Variants in TINCR observed in about 807,000 individuals in gnomAD.
The protein encoded by TINCR is TINCR ubiquitin domain containing, also known as TINCR-encoded ubiquitin-like protein.
At chr19:5,559,047 A>G (rs905558599), downstream of TINCR, 3 of 152,368 alleles carry the variant, frequency 2.0e-5, no homozygotes, top group Admixed American at 2.0e-4. Flanking sequence ...GTCCAACATT[A>G]TTATTTCAGA....
downstream of TINCR, chr19:5,558,561 G>C (rs1023263199): frequency 2.0e-5 from 3 of 152,470 alleles, no homozygotes; most frequent in African/African-American, 7.2e-5. Flanking sequence ...GTCAGTGTGA[G>C]CTTTCTCCAG....
intron 1 of TINCR, among the ~76,000 whole-genome samples, chr19:5,567,260 C>A (rs1027399972): frequency 6.7e-6 from 1 of 149,862 alleles, no homozygotes; most frequent in African/African-American, 2.5e-5. Context: ...GAGACACAGA[C>A]AAAAGAGAGA....
At chr19:5,559,540 T>C (rs1363665073), downstream of TINCR, 1 of 152,202 alleles carries the variant, frequency 6.6e-6, no homozygotes, top group Non-Finnish European at 1.5e-5. Context: ...TTTCACCGTG[T>C]TAGCCAGGAT....
chr19:5,558,618 A>G (rs1032861681), downstream of TINCR: 1 of 152,268 alleles, frequency 6.6e-6, no homozygotes, highest in African/African-American at 2.4e-5. Context: ...ATTCCACAAT[A>G]GTTCCCCTTG....
rs998548700 is a variant in TINCR at position 5,565,027 on chromosome 19, C to T, written c.261-2078G>A. On this transcript the variant is annotated intron_variant, in intron 1 of 1. Coordinates refer to ENST00000646160, the Ensembl canonical transcript of TINCR. The surrounding 1 kb of genome is among the most constrained non-coding windows in gnomAD (Gnocchi z 4.0). ...TGCCTGTGAGCATTGAGTCAGGTCCCGTCCCTCCTCTGCCCACAGCCCTCT... is the reference window on the plus strand; with the variant it reads ...TGCCTGTGAGCATTGAGTCAGGTCCTGTCCCTCCTCTGCCCACAGCCCTCT... Among the ~76,000 whole-genome samples the T allele has an allele frequency of 1.3e-5, 2 of 152,072 alleles. No individual in the cohort carries two copies. The highest frequency in any genetic ancestry group is 2.4e-5 in the African/African-American group (1 of 41,408).
Position 5,565,961 on chromosome 19 carries a change from C to T in TINCR, c.260+1704G>A, listed in dbSNP as rs1193940993. Among the ~76,000 whole-genome samples the T allele has an allele frequency of 6.6e-6, 1 of 152,214 alleles. No individual in the cohort carries two copies. The highest frequency in any genetic ancestry group is 2.4e-5 in the African/African-American group (1 of 41,444). On this transcript the variant is annotated intron_variant, in intron 1 of 1. Coordinates refer to ENST00000646160, the Ensembl canonical transcript of TINCR. The surrounding 1 kb of genome is among the most constrained non-coding windows in gnomAD (Gnocchi z 4.0). ...TCCTCGACCCATTTCCCAGAGCTGCCCCAGGCCGGCAGTGAGCTGTTCCCG... is the reference window on the plus strand; with the variant it reads ...TCCTCGACCCATTTCCCAGAGCTGCTCCAGGCCGGCAGTGAGCTGTTCCCG...
downstream of TINCR, chr19:5,559,313 CTGAGCAG>C (rs962588547): frequency 5.3e-5 from 8 of 151,874 alleles, no homozygotes; most frequent in African/African-American, 1.7e-4. Context: ...ATCCTGGCCC[CTGAGCAG>C]TGAGGCTGTC....
chr19:5,564,142 G>C (rs1270742613), intron 1 of TINCR, among the ~76,000 whole-genome samples: 1 of 152,070 alleles, frequency 6.6e-6, no homozygotes, highest in Non-Finnish European at 1.5e-5. Flanking sequence ...AAGAGAGGCT[G>C]GGGGAGGGAG....
At chr19:5,559,061 T>C (rs1171799421), downstream of TINCR, 1 of 152,236 alleles carries the variant, frequency 6.6e-6, no homozygotes, top group Non-Finnish European at 1.5e-5. Context: ...TTTCAGAACA[T>C]GCCAGCGCTG....
At chr19:5,564,321 TC>T (rs2145288723) in intron 1 of TINCR, among the ~76,000 whole-genome samples, 1 of 152,288 alleles carries the variant, frequency 6.6e-6, no homozygotes, top group African/African-American at 2.4e-5. Flanking sequence ...TGCTGCACCA[TC>T]CACTAGTAGC....
At chr19:5,567,624 C>T in intron 1 of TINCR, 41 bp downstream of exon 1, 1 of 325,264 alleles carries the variant, frequency 3.1e-6, no homozygotes, top group Non-Finnish European at 5.6e-6. Context: ...GGGTCCCCGG[C>T]CGCCGCCCCC....
At chr19:5,559,812 G>A (rs2052091497), downstream of TINCR, 1 of 152,258 alleles carries the variant, frequency 6.6e-6, no homozygotes, top group Non-Finnish European at 1.5e-5. Context: ...CCAGGCTCTA[G>A]ATACACGCAT....
At chr19:5,564,642 G>A (rs1251680667) in intron 1 of TINCR, among the ~76,000 whole-genome samples, 4 of 152,260 alleles carry the variant, frequency 2.6e-5, no homozygotes, top group Non-Finnish European at 5.9e-5. Context: ...GCAGAGGCAC[G>A]ATCTCAGCTC....
downstream of TINCR, chr19:5,560,954 T>G (rs974725075): frequency 6.5e-6 from 1 of 154,054 alleles, no homozygotes; most frequent in African/African-American, 2.4e-5. The surrounding 1 kb of genome is among the most constrained non-coding windows in gnomAD (Gnocchi z 4.5). Flanking sequence ...GGAGGGAATC[T>G]GAGAAGACTT....
downstream of TINCR, chr19:5,562,383 C>T (rs1162083623): frequency 2.0e-5 from 3 of 152,630 alleles, no homozygotes; most frequent in Non-Finnish European, 4.4e-5. This position sits in a 1 kb window ranked among gnomAD's most constrained non-coding sequence, Gnocchi z 4.4. Flanking sequence ...CGCTAGAGCT[C>T]CAGAAAAATA....
Position 5,565,366 on chromosome 19 carries a change from C to A in TINCR, c.260+2299G>T, listed in dbSNP as rs1024033000. Among the ~76,000 whole-genome samples, 1 of 152,208 alleles carries A rather than the reference C, an allele frequency of 6.6e-6. No individual in the cohort carries two copies. The highest frequency in any genetic ancestry group is 1.5e-5 in the Non-Finnish European group (1 of 68,042). ...CACTGATCCCTCTCCACCTTCCCTG[C>A]ATCCCCCACAGCGCCAATTGCGAGT... is the stretch of plus-strand genomic sequence containing the variant. On this transcript the variant is annotated intron_variant, in intron 1 of 1. Coordinates refer to ENST00000646160, the Ensembl canonical transcript of TINCR. The surrounding 1 kb of genome is among the most constrained non-coding windows in gnomAD (Gnocchi z 4.0).
downstream of TINCR, chr19:5,559,422 C>T (rs2052088932): frequency 6.6e-6 from 1 of 151,614 alleles, no homozygotes; most frequent in South Asian, 2.1e-4. Flanking sequence ...GCAACCTCTG[C>T]CTCCCGGGTT....
chr19:5,558,187 T>A (rs985318701), downstream of TINCR: 1 of 152,262 alleles, frequency 6.6e-6, no homozygotes, highest in Non-Finnish European at 1.5e-5. Context: ...ACATGTAATC[T>A]TTTATTCAGT....
rs1191690939 is a variant in TINCR at position 5,565,515 on chromosome 19, G to A, written c.260+2150C>T. On this transcript the variant is annotated intron_variant, in intron 1 of 1. Transcript: ENST00000646160. The surrounding 1 kb of genome is among the most constrained non-coding windows in gnomAD (Gnocchi z 4.0). ...GGCACACAGTAGGCACACAATAAAT[G>A]CTGACTCTGTACTGCATAATTACAG... Among the ~76,000 whole-genome samples the A allele has an allele frequency of 6.6e-6, 1 of 152,158 alleles. No homozygotes were observed. The highest frequency in any genetic ancestry group is 1.5e-5 in the Non-Finnish European group (1 of 68,030).
Sources: allele counts gnomAD v4.1 joint callset (sites outside exome capture counted in the v4.1 genomes callset), GRCh38; gene constraint gnomAD v4.1.1; non-coding constraint Gnocchi (gnomAD v3.1); transcripts MANE v1.5; gene names NCBI Gene and HGNC (gene_info 2026-07-23, HGNC 2026-07-21).